CDH13: variants seen among roughly 807,000 people sequenced by gnomAD.
CDH13 encodes cadherin 13.
Under a neutral mutation model 63.8 loss-of-function variants are expected in CDH13, and 24 were observed. That is an observed-to-expected ratio of 0.38 (90% CI 0.27 to 0.53). CDH13 has a LOEUF of 0.53. Ranked by LOEUF, CDH13 falls within the 20% of genes least tolerant of loss-of-function variation. CDH13 has a pLI of 0.85. For synonymous variants in CDH13, 503 were observed against 355.3 expected (o/e 1.42, Z -4.67); for missense variants, 1,049 against 903.1 (o/e 1.16, Z -2.07).
chr16:82,710,845 A>G (rs1008291002), intron 1 of CDH13, among the ~76,000 whole-genome samples: 7 of 151,032 alleles, frequency 4.6e-5, no homozygotes, highest in African/African-American at 1.5e-4. Context: ...TTATACATAA[A>G]TGTGTACACA....
chr16:82,920,895 G>A lies in CDH13; in HGVS notation c.157+62422G>A, dbSNP rs117064782. ...TTTCAGATGTGCTCTTTATCATATT[G>A]AGTGAGCCCCATTCAATTTCAAATT... On this transcript the variant is annotated intron_variant, in intron 2 of 13. Coordinates refer to ENST00000567109, the MANE Select transcript of CDH13 (RefSeq NM_001257.5). Among the ~76,000 whole-genome samples the A allele has an allele frequency of 1.8e-3, 275 of 152,208 alleles. 1 individual carries two copies. Among genetic ancestry groups the A allele is most frequent in the Middle Eastern group, 3.4e-3 (1 of 294 alleles).
intron 6 of CDH13, among the ~76,000 whole-genome samples, chr16:83,430,013 T>C (rs1195709456): frequency 1.3e-5 from 2 of 152,192 alleles, no homozygotes; most frequent in African/African-American, 4.8e-5. Flanking sequence ...TGGACTGTTT[T>C]AGGTACCTCA....
At chr16:83,774,363 C>T (rs1177819086) in intron 11 of CDH13, among the ~76,000 whole-genome samples, 1 of 151,984 alleles carries the variant, frequency 6.6e-6, no homozygotes, top group East Asian at 1.9e-4. Flanking sequence ...ATGACCTAGT[C>T]AAATGCCATT....
chr16:83,663,193 G>A (rs1416732396), intron 8 of CDH13, among the ~76,000 whole-genome samples: 1 of 152,126 alleles, frequency 6.6e-6, no homozygotes, highest in African/African-American at 2.4e-5. Context: ...AATCAGCTCT[G>A]GGTCCAATCA....
At chr16:82,842,813 A>T (rs572416911) in intron 1 of CDH13, among the ~76,000 whole-genome samples, 1 of 152,156 alleles carries the variant, frequency 6.6e-6, no homozygotes, top group African/African-American at 2.4e-5. Flanking sequence ...AGTCTCATCT[A>T]GGGTGATGGG....
At chr16:83,162,805 A>G (rs929781400) in intron 4 of CDH13, among the ~76,000 whole-genome samples, 32 of 152,234 alleles carry the variant, frequency 2.1e-4, no homozygotes, top group African/African-American at 7.0e-4. Context: ...ATTTCAACAG[A>G]GACAGTCTGT....
At chr16:83,738,321 G>A (rs779710216) in intron 10 of CDH13, among the ~76,000 whole-genome samples, 9 of 152,198 alleles carry the variant, frequency 5.9e-5, no homozygotes, top group Non-Finnish European at 1.3e-4. Context: ...TGAACAGTAC[G>A]TCACATTAAA....
chr16:83,795,056 TC>T lies in CDH13; in HGVS notation c.*29del. ...GAACTCCTGACGTCTGAAGCTTGAC[TC>T]CCAAGTTTCCATAGCAACAGGAAAA... On this transcript the variant is annotated 3_prime_UTR_variant, in exon 14 of 14. Coordinates refer to ENST00000567109, the MANE Select transcript of CDH13 (RefSeq NM_001257.5). 6.4e-7 allele frequency: 1 copy of T among 1,573,872 alleles called. No individual in the cohort carries two copies.
intron 2 of CDH13, among the ~76,000 whole-genome samples, chr16:82,962,555 C>T (rs957809628): frequency 5.3e-5 from 8 of 152,138 alleles, no homozygotes; most frequent in African/African-American, 1.4e-4. Context: ...GGATAGGATG[C>T]ATGCAACTCA....
intron 7 of CDH13, among the ~76,000 whole-genome samples, chr16:83,570,771 GAATA>G: frequency 7.7e-6 from 1 of 130,166 alleles, no homozygotes; most frequent in South Asian, 2.3e-4. Context: ...TTATATATAT[GAATA>G]AAATATATTT....
intron 3 of CDH13, among the ~76,000 whole-genome samples, chr16:83,105,375 G>T (rs2034714460): frequency 6.6e-6 from 1 of 152,216 alleles, no homozygotes; most frequent in Admixed American, 6.5e-5. Context: ...ACCACCACAT[G>T]TGAAGTCGAG....
At chr16:83,277,784 T>C (rs1423080328) in intron 5 of CDH13, among the ~76,000 whole-genome samples, 1 of 152,182 alleles carries the variant, frequency 6.6e-6, no homozygotes, top group Non-Finnish European at 1.5e-5. Context: ...AATTTAAAAA[T>C]ATTTTTATGT....
At chr16:83,595,713 G>A (rs771933384) in intron 7 of CDH13, among the ~76,000 whole-genome samples, 3 of 152,160 alleles carry the variant, frequency 2.0e-5, no homozygotes, top group Admixed American at 6.5e-5. Context: ...TCCACTGACC[G>A]CAATCAGCCA....
chr16:83,008,138 C>T (rs959666119), intron 2 of CDH13, among the ~76,000 whole-genome samples: 5 of 152,072 alleles, frequency 3.3e-5, no homozygotes, highest in Non-Finnish European at 7.4e-5. Context: ...ATACCTTAAG[C>T]TTACATTCTC....
chr16:82,768,661 T>C (rs1288846830), intron 1 of CDH13, among the ~76,000 whole-genome samples: 3 of 152,192 alleles, frequency 2.0e-5, no homozygotes, highest in Admixed American at 2.0e-4. Context: ...AGAGCTGGGC[T>C]TCAGGATCAT....
intron 1 of CDH13, among the ~76,000 whole-genome samples, chr16:82,637,292 G>A (rs983480699): frequency 4.6e-5 from 7 of 152,094 alleles, no homozygotes; most frequent in African/African-American, 1.7e-4. Flanking sequence ...TATTGATTCC[G>A]AACGTGTCTA....
intron 9 of CDH13, among the ~76,000 whole-genome samples, chr16:83,671,878 A>C (rs1914529374): frequency 1.3e-5 from 2 of 152,224 alleles, no homozygotes; most frequent in Non-Finnish European, 2.9e-5. Flanking sequence ...GGTAGCACAG[A>C]AGGCTTGCTA....
intron 6 of CDH13, among the ~76,000 whole-genome samples, chr16:83,418,371 A>G (rs9938578): frequency 0.091 from 13,891 of 152,186 alleles, 850 homozygotes; most frequent in African/African-American, 0.17. Context: ...TATAATACCC[A>G]TAGGAAGCAT....
intron 6 of CDH13, among the ~76,000 whole-genome samples, chr16:83,391,043 T>C (rs1018803084): frequency 1.3e-5 from 2 of 152,180 alleles, no homozygotes; most frequent in African/African-American, 4.8e-5. Flanking sequence ...TATCTACTGG[T>C]GGGTTGAACA....
Sources: gnomAD v4.1 joint callset for allele counts (sites outside exome capture counted in the v4.1 genomes callset) on GRCh38, gnomAD v4.1.1 for gene constraint, MANE v1.5 for transcripts, NCBI Gene and HGNC (gene_info 2026-07-23, HGNC 2026-07-21) for gene names.